NSMAF: variants seen among roughly 807,000 people sequenced by gnomAD.
NSMAF encodes the protein neutral sphingomyelinase activation associated factor.
In NSMAF, 90 loss-of-function variants were observed where a neutral mutation model predicts 134.9. The observed-to-expected ratio is 0.67, with a 90% CI of 0.56 to 0.79. The LOEUF (loss-of-function observed/expected upper bound fraction) is 0.79. NSMAF is among the 30% of genes least tolerant of loss of function. The pLI is 0.00. For missense variants in NSMAF, 1,010 were observed against 1,119.0 expected (o/e 0.90, Z 1.39); for synonymous variants, 358 against 389.6 (o/e 0.92, Z 0.96).
intron 2 of NSMAF, among the ~76,000 whole-genome samples, chr8:58,637,954 C>A (rs1173088813): frequency 6.6e-6 from 1 of 152,038 alleles, no homozygotes; most frequent in African/African-American, 2.4e-5. Flanking sequence ...AAAAGCAAAC[C>A]CTATTAAAAT....
intron 9 of NSMAF, among the ~76,000 whole-genome samples, chr8:58,610,880 G>C (rs1259333473): frequency 3.3e-5 from 5 of 152,188 alleles, no homozygotes; most frequent in Non-Finnish European, 5.9e-5. Context: ...CTGTGGAAGA[G>C]AAAGTCTTTA....
intron 1 of NSMAF, among the ~76,000 whole-genome samples, chr8:58,654,378 C>G (rs1385288092): frequency 6.6e-6 from 1 of 152,080 alleles, no homozygotes; most frequent in African/African-American, 2.4e-5. Flanking sequence ...TGGAGAAACC[C>G]CATCTCTACT....
intron 1 of NSMAF, among the ~76,000 whole-genome samples, chr8:58,643,915 C>T (rs1229534477): frequency 6.6e-6 from 1 of 152,112 alleles, no homozygotes; most frequent in Non-Finnish European, 1.5e-5. Flanking sequence ...GTAAACCAAA[C>T]TGAATGGGAT....
rs957867341 is a variant in NSMAF, at chr8:58,657,448, G to A, written c.59+2125C>T. Among the ~76,000 whole-genome samples the A allele has an allele frequency of 1.6e-4, 24 of 152,162 alleles. 1 individual carries two copies. Among genetic ancestry groups the A allele is most frequent in the Non-Finnish European group, 1.6e-4 (11 of 68,022 alleles). On this transcript the variant is annotated intron_variant, in intron 1 of 30. Coordinates refer to ENST00000038176, the MANE Select transcript of NSMAF (RefSeq NM_003580.4). ...TCCTGGGTATGCTGGAGCCAATGACGAATCCAATCCATTTGCTAATTTGTG... is the reference window on the plus strand; with the variant it reads ...TCCTGGGTATGCTGGAGCCAATGACAAATCCAATCCATTTGCTAATTTGTG...
chr8:58,598,490 C>CAAAAAAA (rs71250204), intron 19 of NSMAF, among the ~76,000 whole-genome samples: 70 of 125,950 alleles, frequency 5.6e-4, no homozygotes, highest in African/African-American at 1.9e-3. Flanking sequence ...CTGTCTCAAA[C>CAAAAAAA]AAAAAAAAAA....
Position 58,597,419 on chromosome 8 carries a change from G to A in NSMAF, c.1760C>T (p.Ser587Phe), listed in dbSNP as rs1346751320. 1 of 1,614,132 alleles carries A rather than the reference G, an allele frequency of 6.2e-7. No individual in the cohort carries two copies. Among genetic ancestry groups the A allele is most frequent in the Non-Finnish European group, 8.5e-7 (1 of 1,180,000 alleles). ...ATCTGCCATAGAAGCATTATAACTG[G>A]AGGTCTGGGACAAACTTTTAAACTT... ...TPKFKSLSQT[S>F]SYNASMADSP... Residue 587 changes from serine (S) to phenylalanine (F), a missense_variant, in exon 21 of 31, where the codon TCC becomes TTC. Physicochemically the swap from Ser to Phe is radical, Grantham distance 155 (BLOSUM62 -2). Transcript: ENST00000038176.
chr8:58,656,174 A>G (rs1000635327), intron 1 of NSMAF, among the ~76,000 whole-genome samples: 17 of 151,736 alleles, frequency 1.1e-4, no homozygotes, highest in African/African-American at 4.1e-4. Context: ...GCACGCCACC[A>G]TGCCTGGTTA....
intron 9 of NSMAF, among the ~76,000 whole-genome samples, chr8:58,621,571 AC>A (rs1806788855): frequency 1.3e-5 from 2 of 152,322 alleles, no homozygotes; most frequent in East Asian, 3.9e-4. Flanking sequence ...TTACACTGCC[AC>A]CAACAGGGTA....
chr8:58,623,682 T>C, intron 7 of NSMAF, 27 bp downstream of exon 7: 1 of 1,598,514 alleles, frequency 6.3e-7, no homozygotes, highest in Non-Finnish European at 8.6e-7. Flanking sequence ...CAGTTTGCTT[T>C]GAATTTTCTA....
intron 9 of NSMAF, among the ~76,000 whole-genome samples, chr8:58,613,168 T>C (rs1806568740): frequency 6.6e-6 from 1 of 152,154 alleles, no homozygotes; most frequent in Non-Finnish European, 1.5e-5. Flanking sequence ...AATATCTAAG[T>C]ATTAAAAATA....
At chr8:58,606,457 C>G (rs1183746839) in intron 11 of NSMAF, among the ~76,000 whole-genome samples, 1 of 152,040 alleles carries the variant, frequency 6.6e-6, no homozygotes, top group Non-Finnish European at 1.5e-5. Flanking sequence ...GCTCTGTTGC[C>G]CAGGCTAGAG....
intron 9 of NSMAF, among the ~76,000 whole-genome samples, chr8:58,611,767 T>C (rs1397653816): frequency 6.6e-6 from 1 of 151,806 alleles, no homozygotes; most frequent in East Asian, 1.9e-4. Flanking sequence ...AAAAAATATA[T>C]AGGAGTGTGT....
rs147582418 is a variant in NSMAF, at chr8:58,597,575, C to T, written c.1629-25G>A. 1,476 of 1,610,298 alleles carry T rather than the reference C, an allele frequency of 9.2e-4. 14 individuals are homozygous for T. In the African/African-American group the frequency reaches 0.017, roughly 19 times the overall value. ...GCTTTGGGACAGAACACAAATAATG[C>T]AGTGAACCACTAGGTTCGAGTTCCT... On this transcript the variant is annotated intron_variant, in intron 20 of 30. Transcript: ENST00000038176.
At chr8:58,634,214 T>C (rs1279884971) in intron 5 of NSMAF, among the ~76,000 whole-genome samples, 2 of 152,272 alleles carry the variant, frequency 1.3e-5, no homozygotes, top group East Asian at 3.9e-4. Flanking sequence ...CTGTGAAATG[T>C]TTTCTTCCTT....
chr8:58,584,276 C>T lies in NSMAF; in HGVS notation c.2660-76G>A, dbSNP rs1805833954. On this transcript the variant is annotated intron_variant, in intron 30 of 30. Coordinates refer to ENST00000038176, the MANE Select transcript of NSMAF (RefSeq NM_003580.4). ...AAGATAAACTTTACTCTGATGCTTA[C>T]TCTTGCTTTGCTATTCATTTACTAA... The T allele has an allele frequency of 9.8e-6, 10 of 1,021,572 alleles. No homozygotes were observed. The South Asian group carries it at 1.3e-4, about 14-fold the overall frequency. 63.3% of individuals were successfully genotyped at this position (1,021,572 alleles called of 1,614,324 possible).
At chr8:58,640,400 T>G (rs13265063) in intron 2 of NSMAF, among the ~76,000 whole-genome samples, 2 of 152,232 alleles carry the variant, frequency 1.3e-5, no homozygotes, top group Admixed American at 6.5e-5. Context: ...TAATATTACA[T>G]GTATGTCTCT....
At chr8:58,646,979 G>T (rs1165076736) in intron 1 of NSMAF, among the ~76,000 whole-genome samples, 2 of 152,158 alleles carry the variant, frequency 1.3e-5, no homozygotes, top group African/African-American at 4.8e-5. Context: ...AAAGCCTACT[G>T]TACAACACTT....
intron 25 of NSMAF, 141 bp from the exon 26 acceptor site, chr8:58,589,716 C>T (rs1272174197): frequency 1.2e-6 from 1 of 825,642 alleles, no homozygotes; most frequent in African/African-American, 1.8e-5. Context: ...TCTCAAATTA[C>T]TAAATCAAAA....
chr8:58,646,289 C>T (rs183650730), intron 1 of NSMAF, among the ~76,000 whole-genome samples: 3 of 152,260 alleles, frequency 2.0e-5, no homozygotes, highest in African/African-American at 7.2e-5. Context: ...GTTACACATC[C>T]TTCCTTCTCT....
Sources: allele counts gnomAD v4.1 joint callset (sites outside exome capture counted in the v4.1 genomes callset), GRCh38; gene constraint gnomAD v4.1.1; transcripts MANE v1.5; gene names NCBI Gene and HGNC (gene_info 2026-07-23, HGNC 2026-07-21).